GALNT5: variants seen among roughly 807,000 people sequenced by gnomAD.
The protein encoded by GALNT5 is polypeptide N-acetylgalactosaminyltransferase 5.
Under a neutral mutation model 85.4 loss-of-function variants are expected in GALNT5, and 72 were observed. That is an observed-to-expected ratio of 0.84 (90% CI 0.70 to 1.03). The LOEUF is 1.03. Among genes scored for constraint, GALNT5 ranks in the 50% least tolerant of loss-of-function variants. GALNT5 has a pLI of 0.00. For synonymous variants in GALNT5, 404 were observed against 397.0 expected (o/e 1.02, Z -0.21); for missense variants, 1,137 against 1,135.5 (o/e 1.00, Z -0.02).
chr2:157,296,300 C>T, intron 4 of GALNT5, 94 bp from the exon 5 acceptor site: 1 of 930,038 alleles, frequency 1.1e-6, no homozygotes. Context: ...GCACTTGTTT[C>T]ATTCATTTGA....
In GALNT5 at chr2:157,258,822, C is replaced by T. The variant is rs763215911; in HGVS notation, c.740C>T (p.Pro247Leu). 20 of 1,591,564 alleles carry T rather than the reference C, an allele frequency of 1.3e-5. No homozygotes were observed. In the East Asian group the frequency reaches 1.6e-4, roughly 13 times the overall value. Residue 247 changes from proline to leucine, a missense_variant, in exon 1 of 10, where the codon CCG becomes CTG. Pro to Leu is a moderately conservative substitution (Grantham distance 98). Transcript: ENST00000259056. ...GCACACCCTGCCAGCACAGCAGTGC[C>T]GAAGTCTGGGGAAGCCATGGCCTTA... ...ERAHPASTAVPKSGEAMALNK... is the reference protein window; with the variant it reads ...ERAHPASTAVLKSGEAMALNK...
At chr2:157,291,808 T>C (rs925061686) in intron 3 of GALNT5, among the ~76,000 whole-genome samples, 14 of 152,146 alleles carry the variant, frequency 9.2e-5, no homozygotes, top group Non-Finnish European at 2.9e-5. Flanking sequence ...CCTTTCCAAA[T>C]CTAGTGCTCT....
At chr2:157,293,151 T>C (rs1250059038) in intron 3 of GALNT5, among the ~76,000 whole-genome samples, 5 of 152,228 alleles carry the variant, frequency 3.3e-5, no homozygotes, top group Non-Finnish European at 4.4e-5. Flanking sequence ...CCTTAGGAGA[T>C]GGCTTAGTCC....
intron 5 of GALNT5, among the ~76,000 whole-genome samples, chr2:157,297,866 T>A (rs1683248154): frequency 6.6e-6 from 1 of 152,190 alleles, no homozygotes; most frequent in African/African-American, 2.4e-5. Context: ...CTATCCTCCA[T>A]GATCAATATT....
At chr2:157,302,629 C>G (rs1683367005) in intron 7 of GALNT5, 1 of 151,540 alleles carries the variant, frequency 6.6e-6, no homozygotes, top group South Asian at 2.1e-4. Context: ...ATTTCCCATT[C>G]CAGCAACGCA....
chr2:157,278,608 C>T (rs1380080331), intron 1 of GALNT5, among the ~76,000 whole-genome samples: 1 of 152,152 alleles, frequency 6.6e-6, no homozygotes, highest in Non-Finnish European at 1.5e-5. Flanking sequence ...ATTAAATCGG[C>T]TATTGAAGCT....
chr2:157,286,892 CAGTG>C (rs1473474768), intron 3 of GALNT5, among the ~76,000 whole-genome samples: 3 of 121,286 alleles, frequency 2.5e-5, no homozygotes, highest in East Asian at 2.3e-4. Flanking sequence ...GTTTAAATAC[CAGTG>C]TGTGTGTGTG....
intron 1 of GALNT5, among the ~76,000 whole-genome samples, chr2:157,271,594 G>GT (rs1682585793): frequency 6.6e-6 from 1 of 152,160 alleles, no homozygotes. Flanking sequence ...TGGATTGATT[G>GT]TATTTATGGT....
intron 3 of GALNT5, 22 bp from the exon 4 acceptor site, chr2:157,295,641 T>G (rs1683196497): frequency 3.7e-6 from 6 of 1,600,922 alleles, no homozygotes; most frequent in Non-Finnish European, 5.1e-6. Flanking sequence ...TCTAAGTTTT[T>G]TGTGTGTGTT....
At chr2:157,272,531 C>A (rs1191376755) in intron 1 of GALNT5, among the ~76,000 whole-genome samples, 1 of 152,128 alleles carries the variant, frequency 6.6e-6, no homozygotes, top group Admixed American at 6.5e-5. Context: ...CCCCTCCTTC[C>A]TTACCCTCTC....
chr2:157,299,467 G>C (rs1307909498), intron 5 of GALNT5, 81 bp from the exon 6 acceptor site: 1 of 809,552 alleles, frequency 1.2e-6, no homozygotes, highest in Non-Finnish European at 2.1e-6. Flanking sequence ...CCTACCTCCC[G>C]TACAGATGTA....
intron 7 of GALNT5, among the ~76,000 whole-genome samples, chr2:157,304,191 T>A (rs1298154691): frequency 6.6e-6 from 1 of 152,182 alleles, no homozygotes; most frequent in Admixed American, 6.5e-5. Context: ...CTCTCTGAAG[T>A]TCAGGGGTGG....
In GALNT5 at chr2:157,300,926, G is replaced by A. The variant is rs139651880; in HGVS notation, c.2366G>A (p.Cys789Tyr). 3.5e-5 allele frequency: 56 copies of A among 1,614,052 alleles called. No homozygotes were observed. The African/African-American group carries it at 5.3e-4, about 15-fold the overall frequency. Residue 789 changes from cysteine to tyrosine, a missense_variant, in exon 7 of 10, where the codon TGC (cysteine) becomes TAC (tyrosine). Physicochemically the swap from Cys to Tyr is radical, Grantham distance 194 (BLOSUM62 -2). Transcript: ENST00000259056. ...AGGGAGCTGCGAAAGAAACTGAAGT[G>A]CAAAAGTTTCAAATGGTACTTGGAG... ...QQRELRKKLK[C>Y]KSFKWYLENV...
At chr2:157,308,141 G>A (rs1274785839) in intron 8 of GALNT5, among the ~76,000 whole-genome samples, 4 of 152,158 alleles carry the variant, frequency 2.6e-5, no homozygotes, top group African/African-American at 9.7e-5. Context: ...GTAGCCACCC[G>A]TGGCTTAGAA....
At chr2:157,280,830 A>G (rs961329955) in intron 1 of GALNT5, among the ~76,000 whole-genome samples, 12 of 152,038 alleles carry the variant, frequency 7.9e-5, no homozygotes, top group African/African-American at 2.9e-4. Flanking sequence ...CTCAGTTCAT[A>G]TAAGATTTGG....
chr2:157,310,571 G>A (rs1053778731), intron 9 of GALNT5, among the ~76,000 whole-genome samples: 8 of 152,092 alleles, frequency 5.3e-5, no homozygotes, highest in East Asian at 1.9e-4. Flanking sequence ...ATAGTCATAC[G>A]TAATTAAGAA....
intron 5 of GALNT5, among the ~76,000 whole-genome samples, chr2:157,298,377 T>C (rs1301192371): frequency 6.6e-6 from 1 of 152,166 alleles, no homozygotes; most frequent in Non-Finnish European, 1.5e-5. Context: ...CTACTCTCCC[T>C]ACAGCCCTCC....
intron 3 of GALNT5, among the ~76,000 whole-genome samples, chr2:157,292,915 G>A (rs1316622926): frequency 6.6e-6 from 1 of 152,150 alleles, no homozygotes; most frequent in Non-Finnish European, 1.5e-5. Context: ...TGTTGGCCAG[G>A]ATGGCCTTGA....
At chr2:157,266,578 T>TTCTAGTGTTCTTTCCACAG (rs1682463125) in intron 1 of GALNT5, among the ~76,000 whole-genome samples, 1 of 152,178 alleles carries the variant, frequency 6.6e-6, no homozygotes, top group African/African-American at 2.4e-5. Context: ...GACTTATGTG[T>TTCTAGTGTTCTTTCCACAG]GTGTGTTTGT....
Sources: allele counts gnomAD v4.1 joint callset (sites outside exome capture counted in the v4.1 genomes callset), GRCh38; gene constraint gnomAD v4.1.1; transcripts MANE v1.5; gene names NCBI Gene and HGNC (gene_info 2026-07-23, HGNC 2026-07-21).